Variants in IQCK observed in about 807,000 individuals in gnomAD.
IQCK encodes IQ domain-containing protein K.
IQCK carries 29 observed loss-of-function variants against 28.1 expected under a neutral mutation model. The observed-to-expected ratio is 1.03, with a 90% CI of 0.77 to 1.41. The LOEUF (loss-of-function observed/expected upper bound fraction) is 1.41, where lower values mean the gene tolerates loss of function less well. IQCK is among the 40% of genes most tolerant of loss of function. The pLI is 0.00. For synonymous variants in IQCK, 113 were observed against 115.1 expected (o/e 0.98, Z 0.12); for missense variants, 359 against 314.7 (o/e 1.14, Z -1.07).
chr16:19,756,226 A>G (rs972532630), intron 4 of IQCK, among the ~76,000 whole-genome samples: 1 of 152,156 alleles, frequency 6.6e-6, no homozygotes, highest in African/African-American at 2.4e-5. Flanking sequence ...TTGATTGGCC[A>G]TAAGAGCTGG....
chr16:19,840,779 C>T (rs983484190), intron 9 of IQCK, among the ~76,000 whole-genome samples: 4 of 152,240 alleles, frequency 2.6e-5, no homozygotes, highest in African/African-American at 9.6e-5. Flanking sequence ...CTCCCTCTCT[C>T]TCTCCTCATT....
At chr16:19,855,179 G>A (rs2056542424) in intron 9 of IQCK, among the ~76,000 whole-genome samples, 1 of 152,170 alleles carries the variant, frequency 6.6e-6, no homozygotes. Flanking sequence ...AGGGTGGGAA[G>A]CTGATGATCT....
chr16:19,830,135 T>C (rs1376084724), downstream of IQCK, among the ~76,000 whole-genome samples: 2 of 152,234 alleles, frequency 1.3e-5, no homozygotes, highest in Non-Finnish European at 2.9e-5. Context: ...AAGCTGCCCT[T>C]GTAAAGAAGC....
intron 9 of IQCK, among the ~76,000 whole-genome samples, chr16:19,834,964 C>A (rs1286430094): frequency 6.6e-6 from 1 of 152,222 alleles, no homozygotes; most frequent in Non-Finnish European, 1.5e-5. Flanking sequence ...TCCCATTCAT[C>A]TATCAACATA....
chr16:19,827,007 T>C lies in IQCK; in HGVS notation c.691-19T>C. ...GAAGTGTGTCGAAAAGGGACTAAAG[T>C]TTTACTGGGATTTTCCAGGTTCGCT... On this transcript the variant is annotated intron_variant, in intron 7 of 7. Transcript: ENST00000564186. The C allele has an allele frequency of 6.3e-7, 1 of 1,577,228 alleles. No individual in the cohort carries two copies. The highest frequency in any genetic ancestry group is 8.7e-7 in the Non-Finnish European group (1 of 1,146,512).
downstream of IQCK, among the ~76,000 whole-genome samples, chr16:19,830,980 T>G (rs1212188406): frequency 6.6e-6 from 1 of 152,234 alleles, no homozygotes; most frequent in Middle Eastern, 3.2e-3. Flanking sequence ...AGGACCGTGT[T>G]TGTCTTATTC....
chr16:19,828,857 A>AAT (rs995744393), downstream of IQCK, among the ~76,000 whole-genome samples: 1 of 144,196 alleles, frequency 6.9e-6, no homozygotes, highest in African/African-American at 2.5e-5. Flanking sequence ...TCTCAAAAAA[A>AAT]ATATATATAT....
chr16:19,762,917 G>A (rs1054434465), intron 4 of IQCK, among the ~76,000 whole-genome samples: 2 of 152,132 alleles, frequency 1.3e-5, no homozygotes, highest in Non-Finnish European at 2.9e-5. Context: ...TGGGGAGGCC[G>A]AGGTGGAAGG....
In IQCK at chr16:19,733,854, T is replaced by C. The variant is rs780039661; in HGVS notation, c.376+27T>C. 4 of 1,613,312 alleles carry C rather than the reference T, an allele frequency of 2.5e-6. No individual in the cohort carries two copies. The South Asian group carries it at 3.3e-5, about 13-fold the overall frequency. ...TGAGTAAGAGAGATGCCATCTTTTA[T>C]AATTTGGGGCTTTTAACATTGCAGA... On this transcript the variant is annotated intron_variant, in intron 3 of 7. Transcript: ENST00000564186.
At chr16:19,845,457 G>A (rs1178131287) in intron 9 of IQCK, among the ~76,000 whole-genome samples, 1 of 152,210 alleles carries the variant, frequency 6.6e-6, no homozygotes, top group Non-Finnish European at 1.5e-5. Context: ...CATAAGACAC[G>A]GCTGATGGGG....
At chr16:19,782,844 C>T (rs2055506676) in intron 6 of IQCK, among the ~76,000 whole-genome samples, 2 of 152,132 alleles carry the variant, frequency 1.3e-5, no homozygotes, top group Non-Finnish European at 2.9e-5. Flanking sequence ...TGTATCTTCA[C>T]GTCCTGCAAA....
intron 4 of IQCK, among the ~76,000 whole-genome samples, chr16:19,754,140 TACTGTC>T (rs1312672837): frequency 6.6e-6 from 1 of 152,074 alleles, no homozygotes; most frequent in African/African-American, 2.4e-5. Context: ...CATCTGCACC[TACTGTC>T]ACTTACTACC....
chr16:19,838,788 G>T (rs746027744), intron 9 of IQCK, among the ~76,000 whole-genome samples: 3 of 152,026 alleles, frequency 2.0e-5, no homozygotes, highest in African/African-American at 7.2e-5. Flanking sequence ...GGAGGCCGAG[G>T]TGGGCAGATC....
intron 6 of IQCK, among the ~76,000 whole-genome samples, chr16:19,765,004 C>T (rs1438636695): frequency 7.0e-6 from 1 of 143,052 alleles, no homozygotes; most frequent in Non-Finnish European, 1.5e-5. Context: ...CGGCGGATCA[C>T]GAGGTCAGGA....
At chr16:19,765,260 G>C (rs149026951) in intron 6 of IQCK, among the ~76,000 whole-genome samples, 1 of 150,646 alleles carries the variant, frequency 6.6e-6, no homozygotes, top group Non-Finnish European at 1.5e-5. Context: ...ATATCTGGCC[G>C]GGCATGGTGG....
intron 4 of IQCK, among the ~76,000 whole-genome samples, chr16:19,751,858 A>G (rs573749532): frequency 6.6e-5 from 10 of 152,222 alleles, no homozygotes; most frequent in African/African-American, 1.7e-4. Context: ...TTGAATCTGC[A>G]TTGCCATTGA....
chr16:19,806,001 G>C (rs2055828921), intron 7 of IQCK, among the ~76,000 whole-genome samples: 1 of 152,156 alleles, frequency 6.6e-6, no homozygotes, highest in Non-Finnish European at 1.5e-5. Flanking sequence ...GCACAGGTCT[G>C]GGTGAGGCCA....
chr16:19,761,537 T>C (rs1048895451), intron 4 of IQCK: 4 of 278,780 alleles, frequency 1.4e-5, no homozygotes, highest in South Asian at 6.5e-5. Context: ...ACCTCTAGAC[T>C]GACTTGATTC....
chr16:19,854,699 G>T (rs190948464), intron 9 of IQCK, among the ~76,000 whole-genome samples: 1 of 152,340 alleles, frequency 6.6e-6, no homozygotes, highest in African/African-American at 2.4e-5. Context: ...CTGTTACGTT[G>T]TCAGGCTGCT....
Sources: gnomAD v4.1 joint callset for allele counts (sites outside exome capture counted in the v4.1 genomes callset) on GRCh38, gnomAD v4.1.1 for gene constraint, MANE v1.5 for transcripts, NCBI Gene and HGNC (gene_info 2026-07-23, HGNC 2026-07-21) for gene names.